Variants in RABGGTA observed in about 807,000 individuals in gnomAD.
The protein encoded by RABGGTA is Rab geranylgeranyltransferase subunit alpha.
RABGGTA carries 69 observed loss-of-function variants against 83.3 expected under a neutral mutation model. That is an observed-to-expected ratio of 0.83 (90% CI 0.68 to 1.01). RABGGTA has a LOEUF of 1.01. Ranked by LOEUF, RABGGTA falls within the 50% of genes least tolerant of loss-of-function variation. The pLI, the probability that RABGGTA is intolerant of heterozygous loss-of-function variation, is 0.00. For missense variants in RABGGTA, 681 were observed against 712.7 expected, an observed-to-expected ratio of 0.96 and a Z score of 0.51; for synonymous variants, 310 against 299.8, an observed-to-expected ratio of 1.03 and a Z score of -0.35.
At chr14:24,269,219 C>G (rs921517571) in intron 6 of RABGGTA, 56 bp from the exon 7 acceptor site, 3 of 1,475,188 alleles carry the variant, frequency 2.0e-6, no homozygotes, top group Non-Finnish European at 2.8e-6. Flanking sequence ...AGCTCCTGGC[C>G]ACTCCAACAC....
Position 24,265,772 on chromosome 14 carries a change from G to A in RABGGTA, c.1556-9C>T. 1 of 1,599,260 alleles carries A rather than the reference G, an allele frequency of 6.3e-7. No homozygotes were observed. The highest frequency in any genetic ancestry group is 8.5e-7 in the Non-Finnish European group (1 of 1,172,526). ...TGCAGGCTGCTGGAGGCCTTGTTCAGGAGAGTCAAGGAAAGCTTGGCAGGT... is the reference window on the plus strand; with the variant it reads ...TGCAGGCTGCTGGAGGCCTTGTTCAAGAGAGTCAAGGAAAGCTTGGCAGGT... On this transcript the variant is annotated splice_polypyrimidine_tract_variant and intron_variant, in intron 16 of 16. Transcript: ENST00000216840.
In RABGGTA at chr14:24,271,180, A is replaced by C. The variant is rs1425142186; in HGVS notation, c.-54-11T>G. 61 of 1,489,160 alleles carry C rather than the reference A, an allele frequency of 4.1e-5. No individual in the cohort carries two copies. The highest frequency in any genetic ancestry group is 5.3e-5 in the Non-Finnish European group (59 of 1,118,298). 92.2% of individuals were successfully genotyped at this position (1,489,160 alleles called of 1,614,324 possible). On this transcript the variant is annotated splice_polypyrimidine_tract_variant and intron_variant, in intron 1 of 16. Coordinates refer to ENST00000216840, the MANE Select transcript of RABGGTA (RefSeq NM_182836.3). The stretch of plus-strand genomic sequence containing the variant: ...GGTAGCCCTTGAAGTCTGAGGAGAG[A>C]AGTGTCAATCACGTAGCCCCGCCCC...
chr14:24,271,168 G>C lies in RABGGTA; in HGVS notation c.-53C>G, dbSNP rs1404208700. On this transcript the variant is annotated splice_region_variant and 5_prime_UTR_variant, in exon 2 of 17. Transcript: ENST00000216840. ...GAAGGGTCCAGTGGTAGCCCTTGAA[G>C]TCTGAGGAGAGAAGTGTCAATCACG... The C allele has an allele frequency of 6.7e-7, 1 of 1,503,684 alleles. No homozygotes were observed. Among genetic ancestry groups the C allele is most frequent in the East Asian group, 2.3e-5 (1 of 43,548 alleles). 93.1% of individuals were successfully genotyped at this position (1,503,684 alleles called of 1,614,324 possible).
At chr14:24,266,914 G>A in intron 14 of RABGGTA, 25 bp from the exon 15 acceptor site, 1 of 1,547,510 alleles carries the variant, frequency 6.5e-7, no homozygotes, top group South Asian at 1.1e-5. Context: ...GAGGAAGGAG[G>A]TGATGGGCTT....
At chr14:24,269,871 CCCCATTCTGGG>C in intron 5 of RABGGTA, 71 bp downstream of exon 5, 2 of 1,525,590 alleles carry the variant, frequency 1.3e-6, no homozygotes, top group Non-Finnish European at 1.8e-6. Context: ...GGATATCCCT[CCCCATTCTGGG>C]CCTTACTGAG....
chr14:24,270,221 C>T (rs2139043234), intron 4 of RABGGTA, 81 bp from the exon 5 acceptor site: 2 of 1,556,618 alleles, frequency 1.3e-6, no homozygotes, highest in Middle Eastern at 1.7e-4. Flanking sequence ...CACCCAGCCC[C>T]CTACTATCCT....
chr14:24,269,280 T>A, intron 6 of RABGGTA, 117 bp from the exon 7 acceptor site: 1 of 1,110,030 alleles, frequency 9.0e-7, no homozygotes, highest in South Asian at 1.5e-5. Context: ...TTATATGCTG[T>A]CCTTGCACAG....
chr14:24,267,971 C>T lies in RABGGTA; in HGVS notation c.1148-13G>A, dbSNP rs775447807. 6.2e-7 allele frequency: 1 copy of T among 1,612,754 alleles called. No individual in the cohort carries two copies. Among genetic ancestry groups the T allele is most frequent in the Non-Finnish European group, 8.5e-7 (1 of 1,179,162 alleles). On this transcript the variant is annotated splice_polypyrimidine_tract_variant and intron_variant, in intron 12 of 16. Transcript: ENST00000216840. The stretch of plus-strand genomic sequence containing the variant: ...GTAAGCAGGCACCCTGAGGAGAGGG[C>T]AGGGAAAAGGAGGGTTTCTCTTGGA...
Position 24,270,407 on chromosome 14 carries a change from G to T in RABGGTA, c.166C>A (p.Leu56Met), listed in dbSNP as rs746158531. 5.6e-6 allele frequency: 9 copies of T among 1,613,900 alleles called. No individual in the cohort carries two copies. Residue 56 changes from leucine (L) to methionine (M), a missense_variant, in exon 4 of 17, where the codon CTG becomes ATG. Physicochemically the swap from Leu to Met is conservative, Grantham distance 15. Transcript: ENST00000216840. ...GTGGCAAAATCAGGGTTGGCTCCCA[G>T]AATCTGGCTTGTCAGTTCCAGCACG... is the stretch of plus-strand genomic sequence containing the variant. ...ESVLELTSQI[L>M]GANPDFATLW... is the part of the protein sequence containing the mutation.
rs1468557277 is a variant in RABGGTA, at chr14:24,266,497, A to G, written c.1488T>C (p.Asn496=). 2 of 1,613,966 alleles carry G rather than the reference A, an allele frequency of 1.2e-6. No individual in the cohort carries two copies. The highest frequency in any genetic ancestry group is 8.5e-7 in the Non-Finnish European group (1 of 1,179,878). ...TGACGCCGTCCAGGGACTCTATGGC[A>G]TTATCACTGGCCTGCAGCACCTGGG... ...RCLEVLQASD[N]AIESLDGVTN... The change falls in exon 16 of 17, where the codon AAT becomes AAC. Residue 496 remains asparagine, a synonymous_variant. Coordinates refer to ENST00000216840, the MANE Select transcript of RABGGTA (RefSeq NM_182836.3).
chr14:24,267,179 T>TC (rs1193901878), intron 14 of RABGGTA, among the ~76,000 whole-genome samples: 2 of 151,568 alleles, frequency 1.3e-5, no homozygotes, highest in Admixed American at 6.6e-5. Context: ...CAAAGACTGG[T>TC]CCCCCATGGG....
At chr14:24,270,200 C>T in intron 4 of RABGGTA, 60 bp from the exon 5 acceptor site, 1 of 1,559,826 alleles carries the variant, frequency 6.4e-7, no homozygotes, top group Admixed American at 1.9e-5. Context: ...CAGCTCACCC[C>T]TCACTTTCTG....
chr14:24,270,215 C>T, intron 4 of RABGGTA, 75 bp from the exon 5 acceptor site: 1 of 1,554,630 alleles, frequency 6.4e-7, no homozygotes, highest in South Asian at 1.2e-5. Flanking sequence ...TTTCTGCACC[C>T]AGCCCCCTAC....
intron 10 of RABGGTA, 45 bp downstream of exon 10, chr14:24,268,469 G>A: frequency 6.2e-7 from 1 of 1,613,824 alleles, no homozygotes; most frequent in African/African-American, 1.3e-5. Flanking sequence ...GAGGAAAAGA[G>A]TGATGGGGGC....
At chr14:24,266,676 G>A (rs773985304) in intron 15 of RABGGTA, 100 bp downstream of exon 15, 5 of 1,267,382 alleles carry the variant, frequency 3.9e-6, no homozygotes, top group Non-Finnish European at 4.6e-6. Context: ...TGTTCGGGGT[G>A]GAGGGTCCTG....
At chr14:24,271,029 GT>G in intron 2 of RABGGTA, 82 bp from the exon 3 acceptor site, 1 of 1,593,408 alleles carries the variant, frequency 6.3e-7, no homozygotes, top group Non-Finnish European at 8.6e-7. Flanking sequence ...GGAGCCCTAG[GT>G]TCATACGGGG....
At chr14:24,267,309 T>C (rs2040886170) in intron 14 of RABGGTA, among the ~76,000 whole-genome samples, 1 of 152,112 alleles carries the variant, frequency 6.6e-6, no homozygotes, top group Non-Finnish European at 1.5e-5. Context: ...TTCTCAGGAA[T>C]CTCTGGAAAG....
At chr14:24,270,276 C>T in intron 4 of RABGGTA, 58 bp downstream of exon 4, 1 of 1,600,458 alleles carries the variant, frequency 6.2e-7, no homozygotes, top group South Asian at 1.1e-5. Context: ...ACCCCTAGAC[C>T]CAGGCAGTGC....
Position 24,267,792 on chromosome 14 carries a change from T to C in RABGGTA, c.1237-16A>G. ...GGTCCACGGCCTGGAGTGGATGAGG[T>C]GGGCAGGGTATGCATGTCAGCTGCC... On this transcript the variant is annotated splice_polypyrimidine_tract_variant and intron_variant, in intron 13 of 16. Coordinates refer to ENST00000216840, the MANE Select transcript of RABGGTA (RefSeq NM_182836.3). The C allele has an allele frequency of 6.2e-7, 1 of 1,611,788 alleles. No individual in the cohort carries two copies. The highest frequency in any genetic ancestry group is 8.5e-7 in the Non-Finnish European group (1 of 1,179,048).
Sources: gnomAD v4.1 joint callset for allele counts (sites outside exome capture counted in the v4.1 genomes callset) on GRCh38, gnomAD v4.1.1 for gene constraint, MANE v1.5 for transcripts, NCBI Gene and HGNC (gene_info 2026-07-23, HGNC 2026-07-21) for gene names.